The following HSD17B4 variants were observed in gnomAD, a reference collection of about 807,000 sequenced individuals.
HSD17B4 encodes hydroxysteroid 17-beta dehydrogenase 4.
HSD17B4 carries 70 observed loss-of-function variants against 101.0 expected under a neutral mutation model. The ratio of observed to expected loss-of-function variants is 0.69; its 90% CI spans 0.57 to 0.85. The LOEUF is 0.85. HSD17B4 is among the 40% of genes least tolerant of loss of function. HSD17B4 has a pLI of 0.00. For missense variants in HSD17B4, 984 were observed against 892.4 expected (o/e 1.10, Z -1.31); for synonymous variants, 347 against 297.1 (o/e 1.17, Z -1.73).
intron 22 of HSD17B4, 89 bp from the exon 23 acceptor site, chr5:119,536,334 T>C (rs1430305311): frequency 8.7e-7 from 1 of 1,152,598 alleles, no homozygotes; most frequent in Non-Finnish European, 1.3e-6. Context: ...ATGGAAACTA[T>C]AGAAATGTCT....
rs1300368488 is a variant in HSD17B4, at chr5:119,536,436, A to G, written c.2007A>G (p.Lys669=). Residue 669 remains lysine (K), a synonymous_variant, in exon 23 of 24, where the codon AAA becomes AAG. Transcript: ENST00000510025. ...NIGAKWTIDL[K]SGSGKVYQGP... Reference sequence around the variant, plus strand: ...TATTTTTCCCAGCTATTGACCTGAAAAGTGGTTCTGGAAAAGTGTACCAAG... The same window carrying G: ...TATTTTTCCCAGCTATTGACCTGAAGAGTGGTTCTGGAAAAGTGTACCAAG... The G allele has an allele frequency of 6.2e-7, 1 of 1,612,344 alleles. No individual in the cohort carries two copies. The highest frequency in any genetic ancestry group is 1.1e-5 in the South Asian group (1 of 91,066).
intron 23 of HSD17B4, among the ~76,000 whole-genome samples, chr5:119,539,001 T>C (rs946142816): frequency 3.9e-5 from 6 of 152,170 alleles, no homozygotes; most frequent in African/African-American, 1.4e-4. Flanking sequence ...CTCAGGTAGA[T>C]TAAAGCAAAT....
intron 2 of HSD17B4, among the ~76,000 whole-genome samples, chr5:119,473,538 G>A (rs1748242777): frequency 6.6e-6 from 1 of 151,816 alleles, no homozygotes; most frequent in Non-Finnish European, 1.5e-5. Context: ...CAGGCTGGTG[G>A]TCTTAGACTC....
Position 119,499,313 on chromosome 5 carries a change from T to C in HSD17B4, c.973-4T>C, listed in dbSNP as rs1230130200. The C allele has an allele frequency of 6.3e-7, 1 of 1,593,638 alleles. No individual in the cohort carries two copies. Among genetic ancestry groups the C allele is most frequent in the Non-Finnish European group, 8.6e-7 (1 of 1,161,500 alleles). On this transcript the variant is annotated splice_region_variant and splice_polypyrimidine_tract_variant and intron_variant, in intron 12 of 23. Transcript: ENST00000510025. Reference sequence around the variant, plus strand: ...AATAAATTACTTTTTAAAACTGTTCTTAGGCTGGAGCTATTGGCCAGAAAC... The same window carrying C: ...AATAAATTACTTTTTAAAACTGTTCCTAGGCTGGAGCTATTGGCCAGAAAC...
intron 21 of HSD17B4, 159 bp downstream of exon 21, chr5:119,530,139 A>T (rs754480585): frequency 7.8e-6 from 5 of 642,818 alleles, no homozygotes; most frequent in Non-Finnish European, 1.4e-5. Flanking sequence ...TTGGAATAGA[A>T]GGAATACTCT....
rs563770727 is a variant in HSD17B4 at position 119,454,340 on chromosome 5, T to G, written c.58+1707T>G. ...TTTTTTTCAGAGCTAAAGGTTTTAC[T>G]CTGTACCCAGGCTGGAGTGCAGTGA... On this transcript the variant is annotated intron_variant, in intron 1 of 23. Coordinates refer to ENST00000510025, the MANE Select transcript of HSD17B4 (RefSeq NM_000414.4). Among the ~76,000 whole-genome samples the G allele has an allele frequency of 1.1e-3, 169 of 151,782 alleles. 1 individual carries two copies. The highest frequency in any genetic ancestry group is 2.0e-3 in the Non-Finnish European group (139 of 67,962).
At chr5:119,473,532 C>G (rs1469953235) in intron 2 of HSD17B4, among the ~76,000 whole-genome samples, 1 of 151,900 alleles carries the variant, frequency 6.6e-6, no homozygotes, top group Non-Finnish European at 1.5e-5. Context: ...GTTGCCCAGG[C>G]TGGTGGTCTT....
Position 119,456,570 on chromosome 5 carries a change from G to A in HSD17B4, c.112+202G>A, listed in dbSNP as rs141662342. The A allele has an allele frequency of 1.3e-3, 758 of 579,012 alleles. 4 individuals are homozygous for A. In the African/African-American group the frequency reaches 0.013, roughly 10 times the overall value. The allele number at this position is 579,012 out of a possible 1,614,324, so 35.9% of individuals were successfully genotyped here. ...GGGAACCAGTTTCACAGAATTCCCA[G>A]CTTAACAGAATTGATAACGAAGGGC... is the stretch of plus-strand genomic sequence containing the variant. On this transcript the variant is annotated intron_variant, in intron 2 of 23. Transcript: ENST00000510025.
At chr5:119,456,214 T>G (rs535791175) in intron 1 of HSD17B4, 101 bp from the exon 2 acceptor site, 1 of 780,746 alleles carries the variant, frequency 1.3e-6, no homozygotes, top group East Asian at 2.4e-5. Flanking sequence ...TAAAATGTAA[T>G]TAATTGTTCA....
chr5:119,517,231 G>A (rs1378393567), intron 17 of HSD17B4, among the ~76,000 whole-genome samples: 2 of 152,244 alleles, frequency 1.3e-5, no homozygotes, highest in African/African-American at 4.8e-5. Context: ...CCCGGGCAAT[G>A]AGGGGCTTAG....
At chr5:119,531,217 T>C (rs776279386) in intron 21 of HSD17B4, 49 bp from the exon 22 acceptor site, 1 of 1,588,298 alleles carries the variant, frequency 6.3e-7, no homozygotes, top group South Asian at 1.1e-5. Context: ...CTTTTCTCCA[T>C]GAGTTATTTT....
At chr5:119,535,731 C>G (rs1361142777) in intron 22 of HSD17B4, 5 of 149,614 alleles carry the variant, frequency 3.3e-5, no homozygotes, top group Non-Finnish European at 5.9e-5. Context: ...TTCCATTTAT[C>G]AAATAATTCC....
rs757992953 is a variant in HSD17B4, at chr5:119,452,736, G to C, written c.58+103G>C. 6.9e-6 allele frequency: 11 copies of C among 1,600,030 alleles called. 1 individual carries two copies. In the South Asian group the frequency reaches 9.9e-5, roughly 14 times the overall value. ...CAGCCGCAGCTGAGGTCACCCCGCT[G>C]AGGTGGTGGGGAGGGGAATGGTTAT... On this transcript the variant is annotated intron_variant, in intron 1 of 23. Transcript: ENST00000510025.
At chr5:119,526,849 T>C (rs1753644566) in intron 19 of HSD17B4, among the ~76,000 whole-genome samples, 1 of 152,008 alleles carries the variant, frequency 6.6e-6, no homozygotes, top group Non-Finnish European at 1.5e-5. Context: ...CCTATATAAC[T>C]CACCTAATAT....
At chr5:119,500,355 A>G (rs1474779628) in intron 13 of HSD17B4, among the ~76,000 whole-genome samples, 1 of 152,116 alleles carries the variant, frequency 6.6e-6, no homozygotes, top group Non-Finnish European at 1.5e-5. Context: ...ATAGTTATAC[A>G]TTGTATATAG....
intron 17 of HSD17B4, among the ~76,000 whole-genome samples, chr5:119,520,275 A>G (rs918919209): frequency 6.6e-6 from 1 of 152,134 alleles, no homozygotes; most frequent in Non-Finnish European, 1.5e-5. Flanking sequence ...GAAGGTTCCA[A>G]GATGGCTTCT....
Position 119,462,248 on chromosome 5 carries a change from A to ATTTTTTTTTTTT in HSD17B4, c.112+5904_112+5915dup, listed in dbSNP as rs10524491. 5.3e-4 allele frequency among the ~76,000 whole-genome samples: 16 copies of ATTTTTTTTTTTT among 30,034 alleles called. 3 individuals carry two copies. The highest frequency in any genetic ancestry group is 7.9e-4 in the Non-Finnish European group (10 of 12,650). The allele number at this position is 30,034 out of a possible 152,430, so 19.7% of individuals were successfully genotyped here. ...TTCATATCCTCCCCCAACAAATGTG[A>ATTTTTTTTTTTT]TTTTTTTTTTTTTTTTTTTTTTTTT... On this transcript the variant is annotated intron_variant, in intron 2 of 23. Coordinates refer to ENST00000510025, the MANE Select transcript of HSD17B4 (RefSeq NM_000414.4).
chr5:119,477,610 G>C (rs1263159209), intron 7 of HSD17B4, 109 bp downstream of exon 7: 2 of 819,544 alleles, frequency 2.4e-6, no homozygotes, highest in Non-Finnish European at 4.3e-6. Context: ...TGACATTGAG[G>C]AATATGTACA....
chr5:119,474,021 G>A lies in HSD17B4; in HGVS notation c.220+6G>A, dbSNP rs765154540. On this transcript the variant is annotated splice_donor_region_variant and intron_variant, in intron 3 of 23. Transcript: ENST00000510025. ...AAAAGCAGTGGCCAACTATGGTATG[G>A]TATTTGAGAGAACTATACTATTTAT... The A allele has an allele frequency of 1.3e-5, 18 of 1,396,326 alleles. No homozygotes were observed. The highest frequency in any genetic ancestry group is 1.8e-5 in the Non-Finnish European group (18 of 983,572). 86.5% of individuals were successfully genotyped at this position (1,396,326 alleles called of 1,614,324 possible). A position where few individuals can be genotyped will look rare whatever the true frequency, so the allele number is the denominator to read the frequency against.
Sources: gnomAD v4.1 joint callset for allele counts (sites outside exome capture counted in the v4.1 genomes callset) on GRCh38, gnomAD v4.1.1 for gene constraint, MANE v1.5 for transcripts, NCBI Gene and HGNC (gene_info 2026-07-23, HGNC 2026-07-21) for gene names.